The following PIGN variants were observed in gnomAD, a reference collection of about 807,000 sequenced individuals.
PIGN encodes the protein GPI ethanolamine phosphate transferase 1.
In PIGN, 117 loss-of-function variants were observed where a neutral mutation model predicts 125.4. The ratio of observed to expected loss-of-function variants is 0.93; its 90% CI spans 0.80 to 1.09. The LOEUF is 1.09. PIGN is among the 50% of genes least tolerant of loss of function. PIGN has a pLI of 0.00. For missense variants in PIGN, 1,075 were observed against 1,094.9 expected, an observed-to-expected ratio of 0.98 and a Z score of 0.26; for synonymous variants, 392 against 377.8, an observed-to-expected ratio of 1.04 and a Z score of -0.44.
intron 14 of PIGN, among the ~76,000 whole-genome samples, chr18:62,121,165 G>C (rs372384434): frequency 6.6e-6 from 1 of 152,158 alleles, no homozygotes; most frequent in Non-Finnish European, 1.5e-5. Flanking sequence ...GTAATGCTGA[G>C]AGATGATGTA....
At chr18:62,058,594 A>G (rs1041596421) in intron 30 of PIGN, among the ~76,000 whole-genome samples, 1 of 152,242 alleles carries the variant, frequency 6.6e-6, no homozygotes, top group Non-Finnish European at 1.5e-5. Flanking sequence ...AAGAAACTGT[A>G]TATGTCTGCA....
rs1179151487 is a variant in PIGN, at chr18:62,146,963, A to C, written c.805+8T>G. The C allele has an allele frequency of 6.2e-7, 1 of 1,610,884 alleles. No individual in the cohort carries two copies. The stretch of plus-strand genomic sequence containing the variant: ...TGTAAGGTACATATCAATTAAAGAC[A>C]CACTAACCCCAGTCTGTCATTCCAT... On this transcript the variant is annotated splice_region_variant and intron_variant, in intron 9 of 30. Transcript: ENST00000640252.
At chr18:62,121,369 C>G (rs1362284234) in intron 14 of PIGN, among the ~76,000 whole-genome samples, 1 of 152,110 alleles carries the variant, frequency 6.6e-6, no homozygotes, top group East Asian at 1.9e-4. Context: ...AAACCTTATT[C>G]AGGCAATAAA....
chr18:62,126,775 G>A (rs76796074), intron 14 of PIGN, among the ~76,000 whole-genome samples: 10,173 of 152,076 alleles, frequency 0.067, 634 homozygotes, highest in African/African-American at 0.16. Context: ...TCAGATTTCC[G>A]ATTGTCTATA....
intron 7 of PIGN, among the ~76,000 whole-genome samples, chr18:62,149,124 A>G: frequency 6.6e-6 from 1 of 152,288 alleles, no homozygotes; most frequent in Admixed American, 6.5e-5. Context: ...CTTTAACTGT[A>G]GAAGATGTTA....
chr18:62,170,234 T>C (rs548874244), intron 1 of PIGN, among the ~76,000 whole-genome samples: 1 of 152,382 alleles, frequency 6.6e-6, no homozygotes, highest in South Asian at 2.1e-4. Flanking sequence ...TAATATATTC[T>C]AGATGCAGGC....
chr18:62,131,116 T>A (rs1568210179), intron 14 of PIGN, among the ~76,000 whole-genome samples: 1 of 152,110 alleles, frequency 6.6e-6, no homozygotes, highest in Non-Finnish European at 1.5e-5. Context: ...GTATTTAAGT[T>A]GGGTCTAAGG....
chr18:62,096,801 G>A (rs1388842315), intron 22 of PIGN, among the ~76,000 whole-genome samples: 4 of 135,828 alleles, frequency 2.9e-5, no homozygotes, highest in East Asian at 2.1e-4. Context: ...TTGTTCTTGC[G>A]ATAGTTTACT....
intron 30 of PIGN, among the ~76,000 whole-genome samples, chr18:62,062,106 C>T (rs2032187213): frequency 6.6e-6 from 1 of 152,192 alleles, no homozygotes; most frequent in South Asian, 2.1e-4. Flanking sequence ...AAAAACATCA[C>T]ATTGCAGCAT....
In PIGN at chr18:62,077,692, C is replaced by T. The variant is rs191945149; in HGVS notation, c.2577-2871G>A. On this transcript the variant is annotated intron_variant, in intron 28 of 30. Coordinates refer to ENST00000640252, the MANE Select transcript of PIGN (RefSeq NM_176787.5). ...CATATGGTATCTGCCTAGTAAATAT[C>T]GGTTTCATTCTCACTCCTTAAACAA... is the stretch of plus-strand genomic sequence containing the variant. 1.1e-3 allele frequency among the ~76,000 whole-genome samples: 163 copies of T among 152,266 alleles called. 1 individual carries two copies. The highest frequency in any genetic ancestry group is 3.5e-3 in the African/African-American group (145 of 41,556).
chr18:62,143,599 T>C (rs1252517718), intron 10 of PIGN, among the ~76,000 whole-genome samples: 1 of 152,184 alleles, frequency 6.6e-6, no homozygotes, highest in African/African-American at 2.4e-5. Context: ...TGGGAGATAA[T>C]TGTTTCAAAA....
At chr18:62,106,158 C>T (rs192898110) in intron 19 of PIGN, among the ~76,000 whole-genome samples, 48 of 152,110 alleles carry the variant, frequency 3.2e-4, no homozygotes, top group Admixed American at 7.9e-4. Context: ...GATTAAGATC[C>T]CTCACAAATT....
chr18:62,029,674 C>T (rs536370116), intron 23 of PIGN, among the ~76,000 whole-genome samples: 28 of 152,036 alleles, frequency 1.8e-4, no homozygotes, highest in African/African-American at 6.3e-4. Context: ...AGTGGGGAGG[C>T]GGAGGGGAGA....
chr18:62,125,117 T>C (rs1197463626), intron 14 of PIGN, among the ~76,000 whole-genome samples: 1 of 105,140 alleles, frequency 9.5e-6, no homozygotes, highest in East Asian at 2.2e-4. Flanking sequence ...TGTACATATG[T>C]GTATATAAAT....
intron 17 of PIGN, among the ~76,000 whole-genome samples, chr18:62,108,289 C>T (rs1438133114): frequency 6.6e-6 from 1 of 152,086 alleles, no homozygotes; most frequent in Non-Finnish European, 1.5e-5. Context: ...ACACAACATA[C>T]TTTCAAAATC....
chr18:62,031,957 G>T (rs539685638), intron 23 of PIGN, among the ~76,000 whole-genome samples: 1 of 152,130 alleles, frequency 6.6e-6, no homozygotes, highest in Admixed American at 6.5e-5. Flanking sequence ...TCTCGGGGTG[G>T]ATCCTTCCTT....
intron 14 of PIGN, chr18:62,123,467 T>C (rs2035386904): frequency 6.6e-6 from 1 of 152,148 alleles, no homozygotes; most frequent in Admixed American, 6.5e-5. Flanking sequence ...AAAGCTATCA[T>C]GATATTAATT....
intron 28 of PIGN, among the ~76,000 whole-genome samples, chr18:62,080,408 G>A (rs1197433703): frequency 1.3e-5 from 2 of 152,064 alleles, no homozygotes; most frequent in African/African-American, 4.8e-5. Flanking sequence ...TGACACTTTT[G>A]GCAGGTTGTT....
intron 14 of PIGN, among the ~76,000 whole-genome samples, chr18:62,133,561 G>A (rs955977276): frequency 2.6e-5 from 4 of 152,094 alleles, no homozygotes; most frequent in African/African-American, 9.7e-5. Context: ...TAAGTAATTT[G>A]GAGAGGACCG....
Sources: allele counts gnomAD v4.1 joint callset (sites outside exome capture counted in the v4.1 genomes callset), GRCh38; gene constraint gnomAD v4.1.1; transcripts MANE v1.5; gene names NCBI Gene and HGNC (gene_info 2026-07-23, HGNC 2026-07-21).